VPS13A: variants seen among roughly 807,000 people sequenced by gnomAD.
VPS13A encodes the protein intermembrane lipid transfer protein VPS13A.
Under a neutral mutation model 390.9 loss-of-function variants are expected in VPS13A, and 264 were observed. The observed-to-expected ratio is 0.68, with a 90% confidence interval of 0.61 to 0.75. The LOEUF (loss-of-function observed/expected upper bound fraction) is 0.75, where lower values mean the gene tolerates loss of function less well. Among genes scored for constraint, VPS13A ranks in the 30% least tolerant of loss-of-function variants. VPS13A has a pLI of 0.00. For missense variants in VPS13A, 3,409 were observed against 3,733.9 expected (o/e 0.91, Z 2.27); for synonymous variants, 1,231 against 1,227.1 (o/e 1.00, Z -0.07).
Position 77,366,840 on chromosome 9 carries a change from C to T in VPS13A, c.8439C>T (p.Ala2813=), listed in dbSNP as rs1286933169. The T allele has an allele frequency of 1.2e-6, 2 of 1,613,092 alleles. No individual in the cohort carries two copies. Among genetic ancestry groups the T allele is most frequent in the Non-Finnish European group, 1.7e-6 (2 of 1,179,474 alleles). The change falls in exon 61 of 72, where the codon GCC becomes GCT. Residue 2813 remains alanine, a synonymous_variant. Transcript: ENST00000360280. The part of the protein sequence containing the change: ...SLNLLLKSIG[A]TLTDVQDVVF... ...ATCTTTTGCTGAAGAGTATTGGTGC[C>T]ACACTGACAGATGTACAAGATGTAG...
chr9:77,397,640 C>T (rs1023516903), intron 68 of VPS13A, among the ~76,000 whole-genome samples: 2 of 152,096 alleles, frequency 1.3e-5, no homozygotes, highest in Admixed American at 6.6e-5. Context: ...ATGGCTCTGT[C>T]CTTCAAGTTC....
chr9:77,370,675 A>T (rs1000008131), intron 65 of VPS13A, 97 bp downstream of exon 65: 22 of 1,549,764 alleles, frequency 1.4e-5, no homozygotes, highest in Non-Finnish European at 1.9e-5. Context: ...TCACTCCTTA[A>T]ATTATTATTT....
chr9:77,277,833 G>T (rs1826776312), intron 26 of VPS13A, among the ~76,000 whole-genome samples: 1 of 152,034 alleles, frequency 6.6e-6, no homozygotes, highest in Admixed American at 6.6e-5. Flanking sequence ...AGGATATCTT[G>T]GTTGCTTCCA....
At chr9:77,369,475 T>C in intron 63 of VPS13A, 63 bp downstream of exon 63, 2 of 1,092,764 alleles carry the variant, frequency 1.8e-6, no homozygotes, top group Middle Eastern at 2.1e-4. Context: ...GATAATACTT[T>C]TCTATTGTTA....
chr9:77,410,290 A>G (rs2131664814), intron 71 of VPS13A, among the ~76,000 whole-genome samples: 1 of 152,318 alleles, frequency 6.6e-6, no homozygotes, highest in South Asian at 2.1e-4. Context: ...GAGCTCCTGA[A>G]GGAAGCACTA....
chr9:77,214,526 G>T (rs985967834), intron 10 of VPS13A, 140 bp downstream of exon 10: 3 of 580,022 alleles, frequency 5.2e-6, no homozygotes, highest in Admixed American at 6.3e-5. Context: ...ATATACAAAA[G>T]CAAATAATAT....
At chr9:77,194,973 C>T (rs1313293581) in intron 1 of VPS13A, among the ~76,000 whole-genome samples, 2 of 152,100 alleles carry the variant, frequency 1.3e-5, no homozygotes, top group South Asian at 2.1e-4. Context: ...TAACATTTGA[C>T]GAAGTCCAAT....
chr9:77,360,722 CTT>C (rs1198559546), intron 59 of VPS13A, 81 bp downstream of exon 59: 58 of 1,070,822 alleles, frequency 5.4e-5, no homozygotes, highest in South Asian at 1.3e-4. Flanking sequence ...ATTAAAATGA[CTT>C]TGTTGCATTT....
chr9:77,182,421 G>A (rs1824077135), intron 1 of VPS13A, among the ~76,000 whole-genome samples: 1 of 152,020 alleles, frequency 6.6e-6, no homozygotes, highest in Non-Finnish European at 1.5e-5. Context: ...TAAGAGCTAG[G>A]CTGCATCAGA....
At chr9:77,408,966 G>C (rs1251622401) in intron 71 of VPS13A, among the ~76,000 whole-genome samples, 1 of 152,222 alleles carries the variant, frequency 6.6e-6, no homozygotes, top group Admixed American at 6.5e-5. Flanking sequence ...CCAGCACACA[G>C]CTGGACATCT....
At chr9:77,333,426 ATTTT>A (rs34369162) in intron 46 of VPS13A, among the ~76,000 whole-genome samples, 1 of 107,662 alleles carries the variant, frequency 9.3e-6, no homozygotes. Flanking sequence ...CTCATTAGGC[ATTTT>A]TTTTTTTTTT....
chr9:77,359,675 A>G (rs922603007), intron 58 of VPS13A, among the ~76,000 whole-genome samples: 1 of 152,088 alleles, frequency 6.6e-6, no homozygotes, highest in South Asian at 2.1e-4. Context: ...AAAATTAGCC[A>G]GGCGTGGTGG....
chr9:77,206,577 C>A (rs1159452661), intron 5 of VPS13A, among the ~76,000 whole-genome samples: 1 of 152,084 alleles, frequency 6.6e-6, no homozygotes, highest in East Asian at 1.9e-4. Flanking sequence ...TGTTCCATTA[C>A]TGCAACCTCT....
intron 9 of VPS13A, among the ~76,000 whole-genome samples, chr9:77,213,842 A>G (rs973235131): frequency 6.6e-6 from 1 of 152,024 alleles, no homozygotes; most frequent in African/African-American, 2.4e-5. Context: ...ACATTCTTTT[A>G]TAAGATTAGT....
In VPS13A at chr9:77,228,264, A is replaced by G. The variant is rs779076934; in HGVS notation, c.1595A>G (p.Lys532Arg). 6.3e-7 allele frequency: 1 copy of G among 1,586,114 alleles called. No individual in the cohort carries two copies. The highest frequency in any genetic ancestry group is 8.6e-7 in the Non-Finnish European group (1 of 1,164,888). The change falls in exon 17 of 72, where the codon AAA (lysine) becomes AGA (arginine). Residue 532 changes from lysine (K) to arginine (R), a missense_variant and splice_region_variant. Around this residue, in one of 5 missense-constraint regions of VPS13A, gnomAD observed 2,717 missense variants for 2,917.4 expected, o/e 0.93. Coordinates refer to ENST00000360280, the MANE Select transcript of VPS13A (RefSeq NM_033305.3). ...CAAAGACCAGGAGCACAAGCAATAA[A>G]GTAAGTATTAATTTATCTTTTTTTA... is the stretch of plus-strand genomic sequence containing the variant. ...IVQRPGAQAI[K>R]FETKIDSFHI...
intron 46 of VPS13A, 150 bp from the exon 47 acceptor site, chr9:77,337,105 C>G: frequency 1.1e-6 from 1 of 885,514 alleles, no homozygotes; most frequent in Non-Finnish European, 1.6e-6. Context: ...CCTTATCTAT[C>G]TTACTTATAT....
At chr9:77,364,959 A>G (rs1832354573) in intron 59 of VPS13A, among the ~76,000 whole-genome samples, 1 of 152,230 alleles carries the variant, frequency 6.6e-6, no homozygotes, top group Non-Finnish European at 1.5e-5. Context: ...AACACATAGA[A>G]GTTACTTCCG....
chr9:77,331,148 G>T (rs940398001), intron 45 of VPS13A, among the ~76,000 whole-genome samples: 10 of 151,606 alleles, frequency 6.6e-5, no homozygotes, highest in Non-Finnish European at 1.2e-4. Context: ...TTTTTATAAT[G>T]AAAGTGGTGT....
At chr9:77,303,677 C>CA (rs1249709501) in intron 34 of VPS13A, among the ~76,000 whole-genome samples, 1 of 151,912 alleles carries the variant, frequency 6.6e-6, no homozygotes, top group Non-Finnish European at 1.5e-5. Flanking sequence ...AGAAGGTCAG[C>CA]AAAAAACGTG....
Sources: allele counts gnomAD v4.1 joint callset (sites outside exome capture counted in the v4.1 genomes callset), GRCh38; gene constraint gnomAD v4.1.1; regional missense constraint gnomAD v4.1.1; transcripts MANE v1.5; gene names NCBI Gene and HGNC (gene_info 2026-07-23, HGNC 2026-07-21).